PRUNE2: variants seen among roughly 807,000 people sequenced by gnomAD.
The protein encoded by PRUNE2 is protein prune homolog 2.
A neutral mutation model predicts 252.0 loss-of-function variants in PRUNE2; 164 were observed. The ratio of observed to expected loss-of-function variants is 0.65; its 90% CI spans 0.57 to 0.74. The LOEUF is 0.74. Ranked by LOEUF, PRUNE2 falls within the 30% of genes least tolerant of loss-of-function variation. The pLI is 0.00. For missense variants in PRUNE2, 3,495 were observed against 3,711.0 expected (o/e 0.94, Z 1.51); for synonymous variants, 1,292 against 1,350.2 (o/e 0.96, Z 0.94).
intron 7 of PRUNE2, among the ~76,000 whole-genome samples, chr9:76,711,888 C>T (rs1193393136): frequency 6.6e-6 from 1 of 152,166 alleles, no homozygotes; most frequent in East Asian, 1.9e-4. Flanking sequence ...CAGGACCCCT[C>T]AGTCCCTTTC....
intron 6 of PRUNE2, among the ~76,000 whole-genome samples, chr9:76,744,504 T>A (rs745521524): frequency 1.2e-4 from 19 of 152,142 alleles, no homozygotes; most frequent in Non-Finnish European, 1.8e-4. Context: ...CCTCCTACCA[T>A]CCCTCTAGTA....
chr9:76,738,241 C>G (rs537674503), intron 6 of PRUNE2: 1 of 152,290 alleles, frequency 6.6e-6, no homozygotes, highest in South Asian at 2.1e-4. Flanking sequence ...AGCAACCGAG[C>G]TGACTGTTTA....
chr9:76,739,204 C>A (rs143845256), intron 6 of PRUNE2: 1 of 152,278 alleles, frequency 6.6e-6, no homozygotes, highest in East Asian at 1.9e-4. Context: ...AGAAAAATCT[C>A]ATGGACAAAT....
chr9:76,805,852 C>T (rs527986686), intron 6 of PRUNE2, among the ~76,000 whole-genome samples: 1 of 152,260 alleles, frequency 6.6e-6, no homozygotes, highest in South Asian at 2.1e-4. Context: ...GACTGGAATG[C>T]CACTTTCTGG....
chr9:76,740,054 A>G (rs2049453368), intron 6 of PRUNE2: 1 of 148,702 alleles, frequency 6.7e-6, no homozygotes, highest in Admixed American at 6.7e-5. Flanking sequence ...ACAGTATGAT[A>G]CTCTGTTTCA....
At chr9:76,646,553 C>T (rs1844941104) in intron 11 of PRUNE2, among the ~76,000 whole-genome samples, 2 of 152,218 alleles carry the variant, frequency 1.3e-5, no homozygotes, top group South Asian at 4.1e-4. Context: ...GGCCAAGCGT[C>T]GTGTCCCTTG....
rs553392040 is a variant in PRUNE2 at position 76,808,082 on chromosome 9, G to A, written c.756+15550C>T. On this transcript the variant is annotated intron_variant, in intron 6 of 18. Coordinates refer to ENST00000376718, the MANE Select transcript of PRUNE2 (RefSeq NM_015225.3). ...AATCCCAGCTACTCGGGAGGCTGAGGCAGGAGAATCACTTGAACCTGGGAG... is the reference window on the plus strand; with the variant it reads ...AATCCCAGCTACTCGGGAGGCTGAGACAGGAGAATCACTTGAACCTGGGAG... 5.9e-5 allele frequency among the ~76,000 whole-genome samples: 9 copies of A among 152,298 alleles called. No homozygotes were observed. The East Asian group carries it at 1.7e-3, about 29-fold the overall frequency.
Position 76,666,930 on chromosome 9 carries a change from C to T in PRUNE2, c.8277-11428G>A, listed in dbSNP as rs769850814. On this transcript the variant is annotated intron_variant, in intron 9 of 18. Coordinates refer to ENST00000376718, the MANE Select transcript of PRUNE2 (RefSeq NM_015225.3). ...CTGTGGTGGTGCATGCCTGTAATCCCGGGTACTTGGGAGGCTGAGAAAGGA... is the reference window on the plus strand; with the variant it reads ...CTGTGGTGGTGCATGCCTGTAATCCTGGGTACTTGGGAGGCTGAGAAAGGA... Among the ~76,000 whole-genome samples, 7 of 152,082 alleles carry T rather than the reference C, an allele frequency of 4.6e-5. No homozygotes were observed. The South Asian group carries it at 1.0e-3, about 23-fold the overall frequency.
At chr9:76,872,855 G>A (rs1266691111) in intron 1 of PRUNE2, among the ~76,000 whole-genome samples, 1 of 152,046 alleles carries the variant, frequency 6.6e-6, no homozygotes, top group Non-Finnish European at 1.5e-5. Context: ...ACATATGTTG[G>A]TGTCCTATCC....
At chr9:76,829,736 G>T (rs2058560317) in intron 4 of PRUNE2, among the ~76,000 whole-genome samples, 1 of 151,598 alleles carries the variant, frequency 6.6e-6, no homozygotes. Context: ...CTTAAGCAGA[G>T]AATAGTTTTG....
Position 76,764,233 on chromosome 9 carries a change from CAAACAAATAAATAAAT to C in PRUNE2, c.757-50528_757-50513del, listed in dbSNP as rs1204627212. On this transcript the variant is annotated intron_variant, in intron 6 of 18. Coordinates refer to ENST00000376718, the MANE Select transcript of PRUNE2 (RefSeq NM_015225.3). ...TCAGTGCATGGAGGCAGAAAACAAA[CAAACAAATAAATAAAT>C]AAATAAATAAATAAGATAATTTTTA... is the stretch of plus-strand genomic sequence containing the variant. Among the ~76,000 whole-genome samples, 245 of 151,852 alleles carry C rather than the reference CAAACAAATAAATAAAT, an allele frequency of 1.6e-3. 1 individual carries two copies. Among genetic ancestry groups the C allele is most frequent in the African/African-American group, 5.2e-3 (215 of 41,372 alleles).
intron 1 of PRUNE2, among the ~76,000 whole-genome samples, chr9:76,869,693 A>C (rs2061073196): frequency 6.6e-6 from 1 of 152,226 alleles, no homozygotes; most frequent in Non-Finnish European, 1.5e-5. Flanking sequence ...TGTTGATATA[A>C]ACTGAGTATC....
intron 1 of PRUNE2, among the ~76,000 whole-genome samples, chr9:76,897,959 T>C (rs2062940742): frequency 2.6e-5 from 4 of 152,192 alleles, no homozygotes; most frequent in Admixed American, 2.6e-4. Context: ...TTTTTATTAC[T>C]GTGCCTGGAG....
Position 76,703,760 on chromosome 9 carries a change from C to G in PRUNE2, c.7853G>C (p.Ser2618Thr). The stretch of plus-strand genomic sequence containing the variant: ...GCTTTCAAAAGATGATCTCGTATCG[C>G]TTTTAGAAGACATTTTCTCTGCAGA... ...GLSAEKMSSKSDTRSSFESPA... is the reference protein window; with the variant it reads ...GLSAEKMSSKTDTRSSFESPA... Residue 2618 changes from serine (S) to threonine (T), a missense_variant, in exon 9 of 19, where the codon AGC (serine) becomes ACC (threonine). Ser to Thr is a moderately conservative substitution (Grantham distance 58, BLOSUM62 1). Coordinates refer to ENST00000376718, the MANE Select transcript of PRUNE2 (RefSeq NM_015225.3). The G allele has an allele frequency of 6.2e-7, 1 of 1,613,696 alleles. No individual in the cohort carries two copies. The highest frequency in any genetic ancestry group is 1.1e-5 in the South Asian group (1 of 91,064).
intron 6 of PRUNE2, among the ~76,000 whole-genome samples, chr9:76,775,656 G>T (rs926253266): frequency 7.2e-5 from 11 of 152,154 alleles, no homozygotes; most frequent in African/African-American, 2.7e-4. Context: ...TTCTCTTCAG[G>T]TATGCAAGGA....
chr9:76,649,990 C>A lies in PRUNE2; in HGVS notation c.8557+2493G>T, dbSNP rs532414352. ...GTCAGGAAAACTGGATAAAAAGAGG[C>A]CTAAATGTGAGCAAGAGCTATCATG... On this transcript the variant is annotated intron_variant, in intron 11 of 18. Transcript: ENST00000376718. Among the ~76,000 whole-genome samples, 45 of 151,630 alleles carry A rather than the reference C, an allele frequency of 3.0e-4. 1 individual carries two copies. Among genetic ancestry groups the A allele is most frequent in the Admixed American group, 1.9e-3 (29 of 15,204 alleles).
Position 76,679,781 on chromosome 9 carries a change from C to T in PRUNE2, c.8276+23556G>A, listed in dbSNP as rs755034472. Among the ~76,000 whole-genome samples, 3 of 152,114 alleles carry T rather than the reference C, an allele frequency of 2.0e-5. 1 individual carries two copies. Among genetic ancestry groups the T allele is most frequent in the African/African-American group, 7.2e-5 (3 of 41,422 alleles). On this transcript the variant is annotated intron_variant, in intron 9 of 18. Transcript: ENST00000376718. ...ACCATTTAATGGGGAAATTATTCAACAAATGATGCTGGGAAAACAAGATAT... is the reference window on the plus strand; with the variant it reads ...ACCATTTAATGGGGAAATTATTCAATAAATGATGCTGGGAAAACAAGATAT...
intron 6 of PRUNE2, among the ~76,000 whole-genome samples, chr9:76,814,289 A>C (rs2131797639): frequency 6.6e-6 from 1 of 152,250 alleles, no homozygotes; most frequent in African/African-American, 2.4e-5. Context: ...GAGACACCTG[A>C]GGTTAGGTCA....
chr9:76,629,132 C>T, intron 16 of PRUNE2, 60 bp downstream of exon 16: 3 of 1,055,604 alleles, frequency 2.8e-6, no homozygotes, highest in Admixed American at 4.4e-5. Context: ...CGTGAGCCAC[C>T]ACACCCAGCC....
Sources: allele counts gnomAD v4.1 joint callset (sites outside exome capture counted in the v4.1 genomes callset), GRCh38; gene constraint gnomAD v4.1.1; transcripts MANE v1.5; gene names NCBI Gene and HGNC (gene_info 2026-07-23, HGNC 2026-07-21).